Variants in GDPD5 observed in about 807,000 individuals in gnomAD.
GDPD5 encodes glycerophosphodiester phosphodiesterase 2.
GDPD5 carries 48 observed loss-of-function variants against 75.1 expected under a neutral mutation model. That is an observed-to-expected ratio of 0.64 (90% CI 0.51 to 0.81). The LOEUF (loss-of-function observed/expected upper bound fraction) is 0.81, where lower values mean the gene tolerates loss of function less well. Among genes scored for constraint, GDPD5 ranks in the 40% least tolerant of loss-of-function variants. The pLI, the probability that GDPD5 is intolerant of heterozygous loss-of-function variation, is 0.00. For missense variants in GDPD5, 706 were observed against 822.6 expected (o/e 0.86, Z 1.73); for synonymous variants, 336 against 339.0 (o/e 0.99, Z 0.10).
intron 2 of GDPD5, among the ~76,000 whole-genome samples, chr11:75,478,599 T>C (rs1949832755): frequency 6.6e-6 from 1 of 152,256 alleles, no homozygotes; most frequent in African/African-American, 2.4e-5. Context: ...CTGTCTACCC[T>C]ACTATAATGC....
intron 3 of GDPD5, among the ~76,000 whole-genome samples, chr11:75,474,265 A>G (rs746373586): frequency 1.3e-5 from 2 of 152,210 alleles, no homozygotes; most frequent in Non-Finnish European, 2.9e-5. Context: ...CTGGCTGGGA[A>G]GTTCCTCCAG....
chr11:75,461,412 G>A (rs1305111624), intron 4 of GDPD5, among the ~76,000 whole-genome samples: 1 of 152,174 alleles, frequency 6.6e-6, no homozygotes, highest in African/African-American at 2.4e-5. Flanking sequence ...GGGTGGGACC[G>A]CAGCATATTC....
intron 1 of GDPD5, among the ~76,000 whole-genome samples, chr11:75,494,391 A>G (rs564470989): frequency 8.2e-4 from 125 of 151,562 alleles, no homozygotes; most frequent in African/African-American, 2.7e-3. Context: ...CTATTTTTCT[A>G]TTTTTAGAAG....
intron 3 of GDPD5, among the ~76,000 whole-genome samples, chr11:75,468,624 A>G (rs948982237): frequency 1.3e-5 from 2 of 151,914 alleles, no homozygotes; most frequent in African/African-American, 2.4e-5. Flanking sequence ...CCTCCCATGC[A>G]CGGCATCTGG....
intron 2 of GDPD5, among the ~76,000 whole-genome samples, chr11:75,482,421 G>C (rs545377499): frequency 1.8e-4 from 28 of 152,114 alleles, no homozygotes; most frequent in Admixed American, 5.2e-4. Context: ...GCCTCTGATC[G>C]AGATAGCCAG....
chr11:75,483,116 C>T (rs1442413407), intron 2 of GDPD5, among the ~76,000 whole-genome samples: 1 of 152,138 alleles, frequency 6.6e-6, no homozygotes, highest in Non-Finnish European at 1.5e-5. Context: ...TAGGTCCAAT[C>T]GATTTCTCCA....
rs770852064 is a variant in GDPD5, at chr11:75,439,952, C to T, written c.1483G>A (p.Glu495Lys). 22 of 1,613,404 alleles carry T rather than the reference C, an allele frequency of 1.4e-5. No individual in the cohort carries two copies. Among genetic ancestry groups the T allele is most frequent in the Non-Finnish European group, 1.6e-5 (19 of 1,179,518 alleles). The stretch of plus-strand genomic sequence containing the variant: ...GCAGTGACCCACATGAGACAGTACT[C>T]GTCCGGGGGCTGTGGACAGACGGCC... The part of the protein sequence containing the change: ...PSPLWIMPPD[E>K]YCLMWVTADL... Residue 495 changes from glutamate to lysine, a missense_variant, in exon 15 of 17, where the codon GAG becomes AAG. Glu to Lys is a moderately conservative substitution (Grantham distance 56). Coordinates refer to ENST00000336898, the MANE Select transcript of GDPD5 (RefSeq NM_030792.8).
intron 1 of GDPD5, among the ~76,000 whole-genome samples, chr11:75,493,229 T>TCACACACACACACACACA (rs71036055): frequency 7.1e-6 from 1 of 140,906 alleles, no homozygotes; most frequent in African/African-American, 2.7e-5. Context: ...CCCACACATC[T>TCACACACACACACACACA]CACACACACA....
chr11:75,487,185 C>G (rs1280194946), intron 2 of GDPD5, among the ~76,000 whole-genome samples: 3 of 152,232 alleles, frequency 2.0e-5, no homozygotes, highest in Admixed American at 6.5e-5. Context: ...AAGACTCAGT[C>G]TATTTTCCAT....
At chr11:75,503,061 C>G (rs1428408141) in intron 1 of GDPD5, among the ~76,000 whole-genome samples, 1 of 152,218 alleles carries the variant, frequency 6.6e-6, no homozygotes, top group Non-Finnish European at 1.5e-5. Flanking sequence ...CGCTTTATCG[C>G]CCAGGCTGGA....
chr11:75,448,093 C>T (rs1949034942), intron 9 of GDPD5, among the ~76,000 whole-genome samples: 1 of 152,180 alleles, frequency 6.6e-6, no homozygotes, highest in Non-Finnish European at 1.5e-5. Flanking sequence ...CCTTACTACC[C>T]TGAGGTCCCA....
At chr11:75,515,404 C>A (rs1368971676) in intron 1 of GDPD5, among the ~76,000 whole-genome samples, 4 of 152,226 alleles carry the variant, frequency 2.6e-5, no homozygotes, top group African/African-American at 9.6e-5. Context: ...GAACCACACC[C>A]CCCACCTAAC....
intron 6 of GDPD5, chr11:75,455,223 G>A (rs1592082776): frequency 2.2e-6 from 1 of 447,100 alleles, no homozygotes; most frequent in East Asian, 7.0e-5. Flanking sequence ...GCCAGGCATG[G>A]CCCCAGAAGG....
At chr11:75,497,960 G>A (rs151218521) in intron 1 of GDPD5, among the ~76,000 whole-genome samples, 1 of 152,292 alleles carries the variant, frequency 6.6e-6, no homozygotes, top group Non-Finnish European at 1.5e-5. Context: ...GATTTTAGTT[G>A]AGCACATACA....
At chr11:75,486,637 T>C (rs1056315082) in intron 2 of GDPD5, among the ~76,000 whole-genome samples, 3 of 152,178 alleles carry the variant, frequency 2.0e-5, no homozygotes, top group Non-Finnish European at 4.4e-5. Context: ...GCTGTGCCTA[T>C]GAAACCACCT....
intron 2 of GDPD5, among the ~76,000 whole-genome samples, chr11:75,487,395 C>T (rs1032628034): frequency 2.6e-5 from 4 of 152,166 alleles, no homozygotes; most frequent in South Asian, 2.1e-4. Flanking sequence ...GGGAGAGGCT[C>T]GGGGAGGAGG....
chr11:75,517,927 T>C lies in GDPD5; in HGVS notation c.-145+7283A>G, dbSNP rs1053625661. On this transcript the variant is annotated intron_variant, in intron 1 of 16. Coordinates refer to ENST00000336898, the MANE Select transcript of GDPD5 (RefSeq NM_030792.8). ...GCAGATTCAGACAAGGCTTCATTGTTAAGGAGAGTCTGACACTTTGACCAT... is the reference window on the plus strand; with the variant it reads ...GCAGATTCAGACAAGGCTTCATTGTCAAGGAGAGTCTGACACTTTGACCAT... 2.6e-5 allele frequency among the ~76,000 whole-genome samples: 4 copies of C among 152,146 alleles called. No individual in the cohort carries two copies. The East Asian group carries it at 7.7e-4, about 29-fold the overall frequency.
Position 75,515,610 on chromosome 11 carries a change from C to T in GDPD5, c.-145+9600G>A, listed in dbSNP as rs139855769. Among the ~76,000 whole-genome samples, 303 of 152,340 alleles carry T rather than the reference C, an allele frequency of 2.0e-3. 1 individual carries two copies. Among genetic ancestry groups the T allele is most frequent in the Non-Finnish European group, 2.5e-3 (173 of 68,032 alleles). The stretch of plus-strand genomic sequence containing the variant: ...CATGTTCTGGGTCCAGGGCTATCCC[C>T]AGAACTGTGGCAATGACTGCCCAGC... On this transcript the variant is annotated intron_variant, in intron 1 of 16. Coordinates refer to ENST00000336898, the MANE Select transcript of GDPD5 (RefSeq NM_030792.8).
chr11:75,486,539 T>C (rs143263492), intron 2 of GDPD5, among the ~76,000 whole-genome samples: 203 of 152,294 alleles, frequency 1.3e-3, no homozygotes, highest in East Asian at 2.3e-3. Flanking sequence ...ATGGTTTCCA[T>C]AGGGCTCCGG....
Sources: gnomAD v4.1 joint callset for allele counts (sites outside exome capture counted in the v4.1 genomes callset) on GRCh38, gnomAD v4.1.1 for gene constraint, MANE v1.5 for transcripts, NCBI Gene and HGNC (gene_info 2026-07-23, HGNC 2026-07-21) for gene names.